Variants in IL1RAPL1 observed in about 807,000 individuals in gnomAD.
IL1RAPL1 encodes interleukin 1 receptor accessory protein like 1, also known as interleukin-1 receptor accessory protein-like 1.
In IL1RAPL1, 3 loss-of-function variants were observed where a neutral mutation model predicts 48.4. The observed-to-expected ratio is 0.06, with a 90% CI of 0.03 to 0.16. IL1RAPL1 has a LOEUF of 0.16. Ranked by LOEUF, IL1RAPL1 falls within the 10% of genes least tolerant of loss-of-function variation. The pLI, the probability that IL1RAPL1 is intolerant of heterozygous loss-of-function variation, is 1.00. For synonymous variants in IL1RAPL1, 185 were observed against 187.7 expected (o/e 0.99, Z 0.12); for missense variants, 349 against 530.6 (o/e 0.66, Z 3.36).
chrX:28,601,139 G>A (rs1934020108), intron 1 of IL1RAPL1, among the ~76,000 whole-genome samples: 1 of 111,363 alleles, frequency 9.0e-6, no homozygotes, highest in Admixed American at 9.6e-5. Context: ...AACATCTCTC[G>A]GCCAGGCACG....
chrX:29,607,098 C>A (rs773279394), intron 5 of IL1RAPL1, among the ~76,000 whole-genome samples: 9 of 111,746 alleles, frequency 8.1e-5, no homozygotes, highest in Non-Finnish European at 1.5e-4. Context: ...CTAATTTTAT[C>A]ATGTAGAGGA....
intron 5 of IL1RAPL1, among the ~76,000 whole-genome samples, chrX:29,542,578 T>C (rs1198378019): frequency 8.9e-6 from 1 of 112,134 alleles, no homozygotes; most frequent in Admixed American, 9.5e-5. Context: ...ACTCTCTGAA[T>C]CCCTATGGAG....
At chrX:29,937,820 CTCTCAGGA>C (rs1367987091) in intron 8 of IL1RAPL1, among the ~76,000 whole-genome samples, 3 of 111,710 alleles carry the variant, frequency 2.7e-5, no homozygotes, top group African/African-American at 6.5e-5. Flanking sequence ...GTCTGTGATG[CTCTCAGGA>C]TCTCAGGATA....
At chrX:29,236,763 G>T (rs1269070707) in intron 2 of IL1RAPL1, among the ~76,000 whole-genome samples, 1 of 104,066 alleles carries the variant, frequency 9.6e-6, no homozygotes, top group East Asian at 3.0e-4. Context: ...AGAGACGGGG[G>T]TTTCACCGTG....
At chrX:29,749,794 C>G (rs12389759) in intron 6 of IL1RAPL1, among the ~76,000 whole-genome samples, 16,645 of 111,785 alleles carry the variant, frequency 0.15, 1,281 homozygotes, top group African/African-American at 0.29. Flanking sequence ...TGGTGGCTGA[C>G]ACCCTACAGT....
At chrX:28,744,039 T>C (rs1356754288) in intron 1 of IL1RAPL1, among the ~76,000 whole-genome samples, 2 of 111,361 alleles carry the variant, frequency 1.8e-5, no homozygotes, top group Non-Finnish European at 3.8e-5. Flanking sequence ...ATCCTTATCA[T>C]TTATATTTTT....
At chrX:29,031,973 T>C (rs1602021005) in intron 2 of IL1RAPL1, among the ~76,000 whole-genome samples, 2 of 112,114 alleles carry the variant, frequency 1.8e-5, no homozygotes, top group East Asian at 5.6e-4. Context: ...ATATAACTTA[T>C]GGAAGTACTA....
intron 2 of IL1RAPL1, among the ~76,000 whole-genome samples, chrX:29,105,530 T>C (rs1000273710): frequency 1.4e-4 from 16 of 112,254 alleles, no homozygotes; most frequent in African/African-American, 4.9e-4. Context: ...AATTAAAATG[T>C]GCAAAGGATA....
At chrX:29,421,915 T>G (rs1363477010) in intron 5 of IL1RAPL1, among the ~76,000 whole-genome samples, 9 of 111,823 alleles carry the variant, frequency 8.0e-5, no homozygotes, top group Non-Finnish European at 1.1e-4. Flanking sequence ...AGACTTCGCC[T>G]TCACCCTCTG....
At chrX:28,786,495 A>T (rs140521085) in intron 1 of IL1RAPL1, among the ~76,000 whole-genome samples, 3,339 of 111,466 alleles carry the variant, frequency 0.03, 65 homozygotes, top group Non-Finnish European at 0.049. Flanking sequence ...AAATCCCGGA[A>T]GCTTTGATTT....
In IL1RAPL1 at chrX:29,695,597, C is replaced by CGAGAGAGAGAGAGA. The variant is rs10635140; in HGVS notation, c.778+27110_778+27123dup. Among the ~76,000 whole-genome samples, 307 of 94,864 alleles carry CGAGAGAGAGAGAGA rather than the reference C, an allele frequency of 3.2e-3. 1 individual carries two copies. The highest frequency in any genetic ancestry group is 0.012 in the African/African-American group (294 of 25,249). The allele number at this position is 94,864 out of a possible 115,157, so 82.4% of individuals were successfully genotyped here. A position where few individuals can be genotyped will look rare whatever the true frequency, so the allele number is the denominator to read the frequency against. Reference sequence around the variant, plus strand: ...ACTTTCCTTGGTGCTTGCAAGGTGGCGAGAGAGAGAGAGAGAGAGAGAGAG... The same window carrying CGAGAGAGAGAGAGA: ...ACTTTCCTTGGTGCTTGCAAGGTGGCGAGAGAGAGAGAGAGAGAGAGAGAGAGAGAGAGAGAGAG... On this transcript the variant is annotated intron_variant, in intron 6 of 10. Coordinates refer to ENST00000378993, the MANE Select transcript of IL1RAPL1 (RefSeq NM_014271.4).
intron 6 of IL1RAPL1, among the ~76,000 whole-genome samples, chrX:29,886,789 G>C (rs992876296): frequency 9.0e-6 from 1 of 111,547 alleles, no homozygotes; most frequent in Non-Finnish European, 1.9e-5. Flanking sequence ...AGACATCAGG[G>C]TTAATTTGAA....
Position 29,076,798 on chromosome X carries a change from G to GTCTATCTATCTATCTATCTA in IL1RAPL1, c.83-206137_83-206136insATCTATCTATCTATCTATCT, listed in dbSNP as rs369681917. On this transcript the variant is annotated intron_variant, in intron 2 of 10. Coordinates refer to ENST00000378993, the MANE Select transcript of IL1RAPL1 (RefSeq NM_014271.4). The stretch of plus-strand genomic sequence containing the variant: ...TATCTATCTGTCTGTCTGTCTGTCT[G>GTCTATCTATCTATCTATCTA]TCTGTCTATCTATCTATCTATCTAT... 8.3e-3 allele frequency among the ~76,000 whole-genome samples: 709 copies of GTCTATCTATCTATCTATCTA among 85,266 alleles called. 4 individuals are homozygous for GTCTATCTATCTATCTATCTA. The highest frequency in any genetic ancestry group is 0.011 in the Non-Finnish European group (470 of 44,316). 74.0% of individuals were successfully genotyped at this position (85,266 alleles called of 115,157 possible). A position where few individuals can be genotyped will look rare whatever the true frequency, so the allele number is the denominator to read the frequency against.
At chrX:29,747,553 G>A (rs1928362701) in intron 6 of IL1RAPL1, among the ~76,000 whole-genome samples, 1 of 111,750 alleles carries the variant, frequency 8.9e-6, no homozygotes, top group African/African-American at 3.2e-5. Flanking sequence ...AAGTCACAGT[G>A]GAGTCATCCT....
intron 6 of IL1RAPL1, among the ~76,000 whole-genome samples, chrX:29,747,953 A>C (rs1381446915): frequency 2.7e-5 from 3 of 111,947 alleles, no homozygotes; most frequent in Non-Finnish European, 5.6e-5. Context: ...AAGAGACTTC[A>C]TGGATATTTT....
intron 5 of IL1RAPL1, among the ~76,000 whole-genome samples, chrX:29,615,589 C>T (rs1924262884): frequency 9.0e-6 from 1 of 110,727 alleles, no homozygotes; most frequent in Non-Finnish European, 1.9e-5. Context: ...CATGGTAGTT[C>T]CAGGACATCC....
chrX:29,054,868 T>C (rs929146296), intron 2 of IL1RAPL1, among the ~76,000 whole-genome samples: 1 of 111,965 alleles, frequency 8.9e-6, no homozygotes, highest in African/African-American at 3.2e-5. Context: ...TGTTGCCTTA[T>C]CTTCAAAATG....
intron 9 of IL1RAPL1, among the ~76,000 whole-genome samples, chrX:29,942,341 C>T (rs1436079147): frequency 9.0e-6 from 1 of 111,573 alleles, no homozygotes; most frequent in Non-Finnish European, 1.9e-5. Context: ...TGCACAAGCA[C>T]ATTAATTTCA....
intron 5 of IL1RAPL1, among the ~76,000 whole-genome samples, chrX:29,602,298 G>A (rs1287990006): frequency 9.0e-6 from 1 of 111,566 alleles, no homozygotes; most frequent in Non-Finnish European, 1.9e-5. Context: ...TTAATAAGAG[G>A]TTGTAAAAGT....
Sources: allele counts gnomAD v4.1 joint callset (sites outside exome capture counted in the v4.1 genomes callset), GRCh38; gene constraint gnomAD v4.1.1; transcripts MANE v1.5; gene names NCBI Gene and HGNC (gene_info 2026-07-23, HGNC 2026-07-21).